HYPK: variants seen among roughly 807,000 people sequenced by gnomAD.
The protein encoded by HYPK is huntingtin-interacting protein K.
Under a neutral mutation model 13.9 loss-of-function variants are expected in HYPK, and 9 were observed. The ratio of observed to expected loss-of-function variants is 0.65; its 90% confidence interval spans 0.39 to 1.13. The LOEUF is 1.13. Among genes scored for constraint, HYPK ranks in the 50% most tolerant of loss-of-function variants. The pLI, the probability that HYPK is intolerant of heterozygous loss-of-function variation, is 0.01. For synonymous variants in HYPK, 76 were observed against 57.0 expected, an observed-to-expected ratio of 1.33 and a Z score of -1.50; for missense variants, 138 against 157.6, an observed-to-expected ratio of 0.88 and a Z score of 0.67.
chr15:43,800,612 G>A lies in HYPK; in HGVS notation c.-11G>A, dbSNP rs371764082. 1.9e-5 allele frequency: 30 copies of A among 1,614,008 alleles called. No individual in the cohort carries two copies. The highest frequency in any genetic ancestry group is 3.3e-4 in the Middle Eastern group (2 of 6,084). On this transcript the variant is annotated 5_prime_UTR_variant, in exon 1 of 4. In the 5' UTR this introduces an upstream ATG that the reference lacks. Transcript: ENST00000442995. The stretch of plus-strand genomic sequence containing the variant: ...GAGGTGGGGCTTATGCGGCGGCGTG[G>A]TGAAATAGATATGGCGACCGAGGGG...
rs1037440565 is a variant in HYPK, at chr15:43,804,320, C to T, written c.*2514C>T. 1.3e-5 allele frequency among the ~76,000 whole-genome samples: 2 copies of T among 152,012 alleles called. No individual in the cohort carries two copies. The highest frequency in any genetic ancestry group is 4.8e-5 in the African/African-American group (2 of 41,426). ...TTGCATTCATTTTTATCGTACGACA[C>T]TAAACTATTTGATTCTTCCAGTGGG... On this transcript the variant is annotated 3_prime_UTR_variant, in exon 4 of 4. Coordinates refer to ENST00000442995, the MANE Select transcript of HYPK (RefSeq NM_016400.4).
At position 43,802,000 on chromosome 15, in the gene HYPK, A is replaced by G; in HGVS notation, c.*194A>G. 1.7e-6 allele frequency: 1 copy of G among 593,976 alleles called. No homozygotes were observed. Among genetic ancestry groups the G allele is most frequent in the Non-Finnish European group, 3.0e-6 (1 of 335,732 alleles). 36.8% of individuals were successfully genotyped at this position (593,976 alleles called of 1,614,324 possible). On this transcript the variant is annotated 3_prime_UTR_variant, in exon 4 of 4. Coordinates refer to ENST00000442995, the MANE Select transcript of HYPK (RefSeq NM_016400.4). ...GCACACCTGTATGAAAAATCAGTGTAGAAGAATACCTCATGTGCAGATGCT... is the reference window on the plus strand; with the variant it reads ...GCACACCTGTATGAAAAATCAGTGTGGAAGAATACCTCATGTGCAGATGCT...
rs2087347552 is a variant in HYPK, at chr15:43,804,303, AT to A, written c.*2502del. ...CACCTCATAGTAATTATTTGCATTC[AT>A]TTTTATCGTACGACACTAAACTATT... is the stretch of plus-strand genomic sequence containing the variant. On this transcript the variant is annotated 3_prime_UTR_variant, in exon 4 of 4. Transcript: ENST00000442995. Among the ~76,000 whole-genome samples the A allele has an allele frequency of 6.6e-6, 1 of 152,066 alleles. No homozygotes were observed. The highest frequency in any genetic ancestry group is 1.5e-5 in the Non-Finnish European group (1 of 68,024).
At position 43,804,136 on chromosome 15, in the gene HYPK, T is replaced by C. The variant is rs979482950; in HGVS notation, c.*2330T>C. Among the ~76,000 whole-genome samples the C allele has an allele frequency of 6.6e-6, 1 of 151,940 alleles. No individual in the cohort carries two copies. Among genetic ancestry groups the C allele is most frequent in the African/African-American group, 2.4e-5 (1 of 41,390 alleles). On this transcript the variant is annotated 3_prime_UTR_variant, in exon 4 of 4. Transcript: ENST00000442995. ...AAAACCCTGCAACGGCCCCTGAGTCTGCTGTAAGGACACTCAAATGGCAAT... is the reference window on the plus strand; with the variant it reads ...AAAACCCTGCAACGGCCCCTGAGTCCGCTGTAAGGACACTCAAATGGCAAT...
At position 43,801,943 on chromosome 15, in the gene HYPK, C is replaced by T; in HGVS notation, c.*137C>T. 1.4e-6 allele frequency: 1 copy of T among 690,860 alleles called. No homozygotes were observed. Among genetic ancestry groups the T allele is most frequent in the Non-Finnish European group, 2.4e-6 (1 of 410,200 alleles). 42.8% of individuals were successfully genotyped at this position (690,860 alleles called of 1,614,324 possible). ...TTGTGGAGAATTTATATGTTGGAGA[C>T]TAACTGAATTTAAGTGACCCATTAA... is the stretch of plus-strand genomic sequence containing the variant. On this transcript the variant is annotated 3_prime_UTR_variant, in exon 4 of 4. Transcript: ENST00000442995.
chr15:43,801,179 A>T lies in HYPK; in HGVS notation c.210A>T (p.Lys70Asn). 1 of 1,614,004 alleles carries T rather than the reference A, an allele frequency of 6.2e-7. No homozygotes were observed. The highest frequency in any genetic ancestry group is 8.5e-7 in the Non-Finnish European group (1 of 1,179,930). The change falls in exon 2 of 4, where the codon AAA (lysine) becomes AAT (asparagine). Residue 70 changes from lysine (K) to asparagine (N), a missense_variant. Physicochemically the swap from Lys to Asn is moderately conservative, Grantham distance 94. Transcript: ENST00000442995. ...GAAGGTCCCGGGAGCAGAAAGCCAAACAGGAGCGGTAAGTCTTCAGGGGCA... is the reference window on the plus strand; with the variant it reads ...GAAGGTCCCGGGAGCAGAAAGCCAATCAGGAGCGGTAAGTCTTCAGGGGCA... ...GDRRSREQKAKQEREKELAKV... is the reference protein window; with the variant it reads ...GDRRSREQKANQEREKELAKV...
Position 43,803,404 on chromosome 15 carries a change from C to A in HYPK, c.*1598C>A, listed in dbSNP as rs528321820. On this transcript the variant is annotated 3_prime_UTR_variant, in exon 4 of 4. Coordinates refer to ENST00000442995, the MANE Select transcript of HYPK (RefSeq NM_016400.4). ...CAAGACTGTCTCAAAACGAAAAAAA[C>A]CTATGAAAGGTTTTGATTGGTATTC... Among the ~76,000 whole-genome samples the A allele has an allele frequency of 6.6e-6, 1 of 151,908 alleles. No homozygotes were observed. Among genetic ancestry groups the A allele is most frequent in the Admixed American group, 6.5e-5 (1 of 15,268 alleles).
At chr15:43,801,390 T>G in intron 2 of HYPK, 128 bp from the exon 3 acceptor site, 1 of 897,386 alleles carries the variant, frequency 1.1e-6, no homozygotes, top group Admixed American at 2.4e-5. Flanking sequence ...GGAGTATTAG[T>G]GGGAGTTTTT....
Position 43,800,626 on chromosome 15 carries a change from G to C in HYPK, c.4G>C (p.Ala2Pro). Reference sequence around the variant, plus strand: ...GCGGCGGCGTGGTGAAATAGATATGGCGACCGAGGGGGATGTGGAGCTGGA... The same window carrying C: ...GCGGCGGCGTGGTGAAATAGATATGCCGACCGAGGGGGATGTGGAGCTGGA... M[A>P]TEGDVELELE... Residue 2 changes from alanine (A) to proline (P), a missense_variant, in exon 1 of 4, where the codon GCG becomes CCG. Ala to Pro is a conservative substitution (Grantham distance 27). This residue lies in a region of HYPK where 43 missense variants were observed against 30.4 expected (regional missense o/e 1.41). Coordinates refer to ENST00000442995, the MANE Select transcript of HYPK (RefSeq NM_016400.4). The C allele has an allele frequency of 6.2e-7, 1 of 1,614,174 alleles. No individual in the cohort carries two copies. The highest frequency in any genetic ancestry group is 8.5e-7 in the Non-Finnish European group (1 of 1,180,036).
rs993063938 is a variant in HYPK at position 43,803,041 on chromosome 15, AC to A, written c.*1237del. 2 of 151,998 alleles carry A rather than the reference AC, an allele frequency of 1.3e-5. No homozygotes were observed. Among genetic ancestry groups the A allele is most frequent in the Non-Finnish European group, 2.9e-5 (2 of 68,088 alleles). The allele number at this position is 151,998 out of a possible 1,614,324, so 9.4% of individuals were successfully genotyped here. On this transcript the variant is annotated 3_prime_UTR_variant, in exon 4 of 4. Coordinates refer to ENST00000442995, the MANE Select transcript of HYPK (RefSeq NM_016400.4). The stretch of plus-strand genomic sequence containing the variant: ...TCGTCTCTACCGCGCTCCCCCCACC[AC>A]CAAAAAAAGAATTTAGGTACCTGAG...
Position 43,801,506 on chromosome 15 carries a change from A to G in HYPK, c.219-12A>G, listed in dbSNP as rs376051677. 2 of 1,610,408 alleles carry G rather than the reference A, an allele frequency of 1.2e-6. No homozygotes were observed. Among genetic ancestry groups the G allele is most frequent in the East Asian group, 2.2e-5 (1 of 44,880 alleles). ...TGAGAATGAGGACTAATATATTTAAATATTTTTGCAGGGAGAAAGAACTGG... is the reference window on the plus strand; with the variant it reads ...TGAGAATGAGGACTAATATATTTAAGTATTTTTGCAGGGAGAAAGAACTGG... On this transcript the variant is annotated splice_polypyrimidine_tract_variant and intron_variant, in intron 2 of 3. Coordinates refer to ENST00000442995, the MANE Select transcript of HYPK (RefSeq NM_016400.4).
chr15:43,802,878 AAAAAC>A lies in HYPK; in HGVS notation c.*1080_*1084del, dbSNP rs1383459423. ...CTGGGTGACAGAGCGAGACTGTCTC[AAAAAC>A]AAAACAACAAAAAAGAATTTAGGGG... On this transcript the variant is annotated 3_prime_UTR_variant, in exon 4 of 4. Transcript: ENST00000442995. The A allele has an allele frequency of 2.0e-5, 3 of 152,074 alleles. No homozygotes were observed. The highest frequency in any genetic ancestry group is 2.9e-5 in the Non-Finnish European group (2 of 68,140). 9.4% of individuals were successfully genotyped at this position (152,074 alleles called of 1,614,324 possible). A position where few individuals can be genotyped will look rare whatever the true frequency, so the allele number is the denominator to read the frequency against.
chr15:43,801,320 C>A, intron 2 of HYPK, 133 bp downstream of exon 2: 2 of 927,250 alleles, frequency 2.2e-6, no homozygotes, highest in South Asian at 1.5e-5. Context: ...GGCGCCACAA[C>A]TTTACTCTTG....
At position 43,802,333 on chromosome 15, in the gene HYPK, G is replaced by A. The variant is rs911882269; in HGVS notation, c.*527G>A. The A allele has an allele frequency of 2.0e-5, 3 of 152,764 alleles. No homozygotes were observed. The South Asian group carries it at 6.1e-4, about 31-fold the overall frequency. The allele number at this position is 152,764 out of a possible 1,614,324, so 9.5% of individuals were successfully genotyped here. A position where few individuals can be genotyped will look rare whatever the true frequency, so the allele number is the denominator to read the frequency against. ...TCTAATCCCAGCACTTTGGGAGGTC[G>A]AGGCAGGTAGATCACGAGGTCAGGA... is the stretch of plus-strand genomic sequence containing the variant. On this transcript the variant is annotated 3_prime_UTR_variant, in exon 4 of 4. Coordinates refer to ENST00000442995, the MANE Select transcript of HYPK (RefSeq NM_016400.4).
Position 43,801,167 on chromosome 15 carries a change from G to A in HYPK, c.198G>A (p.Glu66=), listed in dbSNP as rs1837123375. Reference sequence around the variant, plus strand: ...TGATTGGAGACAGAAGGTCCCGGGAGCAGAAAGCCAAACAGGAGCGGTAAG... The same window carrying A: ...TGATTGGAGACAGAAGGTCCCGGGAACAGAAAGCCAAACAGGAGCGGTAAG... ...MSVIGDRRSR[E]QKAKQEREKE... The change falls in exon 2 of 4, where the codon GAG becomes GAA. Residue 66 remains glutamate (E), a synonymous_variant. Coordinates refer to ENST00000442995, the MANE Select transcript of HYPK (RefSeq NM_016400.4). The A allele has an allele frequency of 6.2e-7, 1 of 1,614,060 alleles. No homozygotes were observed. The highest frequency in any genetic ancestry group is 8.5e-7 in the Non-Finnish European group (1 of 1,179,976).
In HYPK at chr15:43,803,470, C is replaced by T. The variant is rs1043634361; in HGVS notation, c.*1664C>T. ...ATACATTCTACATGCCATTTCCTAT[C>T]CTAGAGAGAAGGTAATTTTACTTTA... On this transcript the variant is annotated 3_prime_UTR_variant, in exon 4 of 4. Coordinates refer to ENST00000442995, the MANE Select transcript of HYPK (RefSeq NM_016400.4). 6.6e-6 allele frequency among the ~76,000 whole-genome samples: 1 copy of T among 152,046 alleles called. No individual in the cohort carries two copies. Among genetic ancestry groups the T allele is most frequent in the African/African-American group, 2.4e-5 (1 of 41,396 alleles).
At position 43,801,875 on chromosome 15, in the gene HYPK, T is replaced by C; in HGVS notation, c.*69T>C. On this transcript the variant is annotated 3_prime_UTR_variant, in exon 4 of 4. Transcript: ENST00000442995. ...TAAAATTTTTTTTTGTCTTTTTCAG[T>C]TTTATCATCTTGGGTCAAGTAGAGT... The C allele has an allele frequency of 1.5e-6, 2 of 1,291,492 alleles. No homozygotes were observed. Among genetic ancestry groups the C allele is most frequent in the Non-Finnish European group, 1.1e-6 (1 of 893,436 alleles). The allele number at this position is 1,291,492 out of a possible 1,614,324, so 80.0% of individuals were successfully genotyped here. A position where few individuals can be genotyped will look rare whatever the true frequency, so the allele number is the denominator to read the frequency against.
intron 3 of HYPK, 29 bp from the exon 4 acceptor site, chr15:43,801,682 A>G (rs1241573740): frequency 6.2e-7 from 1 of 1,612,656 alleles, no homozygotes; most frequent in Non-Finnish European, 8.5e-7. Context: ...AATGCCTGGG[A>G]ACCTATGTAA....
At position 43,803,635 on chromosome 15, in the gene HYPK, C is replaced by CA. The variant is rs1004900883; in HGVS notation, c.*1838dup. Among the ~76,000 whole-genome samples, 7 of 150,178 alleles carry CA rather than the reference C, an allele frequency of 4.7e-5. No homozygotes were observed. The highest frequency in any genetic ancestry group is 1.3e-4 in the Admixed American group (2 of 15,032). ...TGAAACCCCATCTCTACTAAAAGTA[C>CA]AAAAAAAAATTAGCTGGGTGTGGTG... On this transcript the variant is annotated 3_prime_UTR_variant, in exon 4 of 4. Transcript: ENST00000442995.
Sources: allele counts gnomAD v4.1 joint callset (sites outside exome capture counted in the v4.1 genomes callset), GRCh38; gene constraint gnomAD v4.1.1; regional missense constraint gnomAD v4.1.1; transcripts MANE v1.5; gene names NCBI Gene and HGNC (gene_info 2026-07-23, HGNC 2026-07-21).